PLEKHA5: variants seen among roughly 807,000 people sequenced by gnomAD.
PLEKHA5 encodes the protein pleckstrin homology domain containing A5.
A neutral mutation model predicts 181.9 loss-of-function variants in PLEKHA5; 55 were observed. The ratio of observed to expected loss-of-function variants is 0.30; its 90% CI spans 0.24 to 0.38. The LOEUF (loss-of-function observed/expected upper bound fraction) is 0.38. PLEKHA5 is among the 10% of genes least tolerant of loss of function. The pLI, the probability that PLEKHA5 is intolerant of heterozygous loss-of-function variation, is 1.00. For missense variants in PLEKHA5, 1,432 were observed against 1,549.5 expected (o/e 0.92, Z 1.27); for synonymous variants, 535 against 529.4 (o/e 1.01, Z -0.15).
intron 15 of PLEKHA5, 126 bp downstream of exon 15, chr12:19,291,823 G>A: frequency 3.7e-6 from 2 of 544,970 alleles, no homozygotes; most frequent in Non-Finnish European, 6.3e-6. Context: ...ACAAGTGATA[G>A]AATATGAAAT....
chr12:19,318,062 GA>G (rs1432360406), intron 16 of PLEKHA5, among the ~76,000 whole-genome samples: 2 of 151,280 alleles, frequency 1.3e-5, no homozygotes, highest in African/African-American at 4.9e-5. Flanking sequence ...TTGGGATGAG[GA>G]GTCAGGATTT....
chr12:19,343,583 A>T lies in PLEKHA5; in HGVS notation c.2662+149A>T, dbSNP rs146510104. ...TTAAACAAATCTAGTTGTATGGCCT[A>T]CTACACACCTAGGCTATGTGGTATA... On this transcript the variant is annotated intron_variant, in intron 22 of 31. Coordinates refer to ENST00000429027, the MANE Select transcript of PLEKHA5 (RefSeq NM_001256470.2). 2.0e-4 allele frequency: 129 copies of T among 640,342 alleles called. No homozygotes were observed. In the East Asian group the frequency reaches 3.5e-3, roughly 17 times the overall value. 39.7% of individuals were successfully genotyped at this position (640,342 alleles called of 1,614,324 possible).
chr12:19,228,388 T>A (rs1294899934), intron 3 of PLEKHA5, among the ~76,000 whole-genome samples: 1 of 152,140 alleles, frequency 6.6e-6, no homozygotes, highest in Non-Finnish European at 1.5e-5. Context: ...CTCCAGATCC[T>A]ACCTATCCTT....
At chr12:19,319,047 C>A (rs1264599804) in intron 16 of PLEKHA5, among the ~76,000 whole-genome samples, 1 of 151,984 alleles carries the variant, frequency 6.6e-6, no homozygotes. Flanking sequence ...CATAGATCTA[C>A]CTATTTAAAA....
intron 12 of PLEKHA5, among the ~76,000 whole-genome samples, chr12:19,284,545 G>A (rs1022678383): frequency 6.6e-6 from 1 of 152,050 alleles, no homozygotes; most frequent in African/African-American, 2.4e-5. Context: ...TTAAACACTC[G>A]ATTTAATATT....
intron 6 of PLEKHA5, among the ~76,000 whole-genome samples, chr12:19,260,589 G>C (rs2068176602): frequency 6.6e-6 from 1 of 152,162 alleles, no homozygotes; most frequent in African/African-American, 2.4e-5. Context: ...AGGAACAGTG[G>C]CTCAAGCCTG....
In PLEKHA5 at chr12:19,367,643, G is replaced by T. The variant is rs372550127; in HGVS notation, c.3754+1534G>T. On this transcript the variant is annotated intron_variant, in intron 30 of 31. Transcript: ENST00000429027. ...TGCCCAGGCTGGAGTGCAGTGGCGC[G>T]ATCTCCACTCACTGCAAGCTCCGCC... Among the ~76,000 whole-genome samples the T allele has an allele frequency of 2.0e-5, 3 of 151,520 alleles. No individual in the cohort carries two copies. The East Asian group carries it at 5.8e-4, about 29-fold the overall frequency.
chr12:19,206,716 G>A (rs1222792836), intron 3 of PLEKHA5, among the ~76,000 whole-genome samples: 1 of 152,094 alleles, frequency 6.6e-6, no homozygotes, highest in Non-Finnish European at 1.5e-5. Context: ...CACATATGAA[G>A]GAGGTGGGTG....
intron 3 of PLEKHA5, chr12:19,150,422 C>G (rs889124267): frequency 6.6e-6 from 1 of 152,166 alleles, no homozygotes; most frequent in Non-Finnish European, 1.5e-5. Flanking sequence ...ACCCACTGAC[C>G]AAGCACTTGC....
intron 25 of PLEKHA5, among the ~76,000 whole-genome samples, chr12:19,349,771 A>C (rs1440138639): frequency 6.6e-6 from 1 of 151,702 alleles, no homozygotes; most frequent in Non-Finnish European, 1.5e-5. Flanking sequence ...CAAGAAATGG[A>C]AACTCTACCA....
intron 25 of PLEKHA5, among the ~76,000 whole-genome samples, chr12:19,350,231 G>T (rs1011373216): frequency 6.6e-6 from 1 of 152,172 alleles, no homozygotes; most frequent in African/African-American, 2.4e-5. Context: ...CTAGATATTA[G>T]CTAACAGTGT....
chr12:19,255,884 G>GAAAAAAA (rs60570882), intron 5 of PLEKHA5, among the ~76,000 whole-genome samples: 1 of 91,864 alleles, frequency 1.1e-5, no homozygotes. Flanking sequence ...TGGAAGATTT[G>GAAAAAAA]AAAAAAAAAA....
intron 26 of PLEKHA5, among the ~76,000 whole-genome samples, chr12:19,357,734 C>T (rs2095030266): frequency 6.6e-6 from 1 of 152,104 alleles, no homozygotes; most frequent in Non-Finnish European, 1.5e-5. Flanking sequence ...CTCCTGGGCT[C>T]AAACCATCCT....
chr12:19,314,852 A>G lies in PLEKHA5; in HGVS notation c.2076A>G (p.Thr692=). 1 of 1,548,772 alleles carries G rather than the reference A, an allele frequency of 6.5e-7. No individual in the cohort carries two copies. The highest frequency in any genetic ancestry group is 1.7e-4 in the Middle Eastern group (1 of 5,984). ...ENEPIITMVH[T]MIENSALRPQ... The stretch of plus-strand genomic sequence containing the variant: ...AACCTATTATCACCATGGTTCACAC[A>G]ATGATTGAGAACTCGGCGCTAAGAC... The change falls in exon 16 of 32, where the codon ACA becomes ACG. Residue 692 remains threonine, a synonymous_variant. Coordinates refer to ENST00000429027, the MANE Select transcript of PLEKHA5 (RefSeq NM_001256470.2).
chr12:19,250,487 G>A (rs2152516797), intron 3 of PLEKHA5, among the ~76,000 whole-genome samples: 1 of 152,270 alleles, frequency 6.6e-6, no homozygotes, highest in East Asian at 1.9e-4. Flanking sequence ...GGAGGCTGAG[G>A]CAGGAGAATC....
At chr12:19,281,663 C>T (rs1169813986) in intron 11 of PLEKHA5, among the ~76,000 whole-genome samples, 1 of 151,446 alleles carries the variant, frequency 6.6e-6, no homozygotes, top group Non-Finnish European at 1.5e-5. Flanking sequence ...GCTCACTTCT[C>T]CCCTAACTTT....
intron 3 of PLEKHA5, among the ~76,000 whole-genome samples, chr12:19,156,816 A>G (rs2041830329): frequency 6.6e-6 from 1 of 151,464 alleles, no homozygotes; most frequent in African/African-American, 2.4e-5. Context: ...AGGCCAGGGC[A>G]GGTGGGTCAC....
chr12:19,283,424 T>C lies in PLEKHA5; in HGVS notation c.1458T>C (p.His486=). Reference sequence around the variant, plus strand: ...TCTGCAGTGTAACCCCTTCCACTCATGACAAGACATTAGGACCCGGAGCGG... The same window carrying C: ...TCTGCAGTGTAACCCCTTCCACTCACGACAAGACATTAGGACCCGGAGCGG... ...ESICSVTPST[H]DKTLGPGAEE... is the part of the protein sequence containing the mutation. The change falls in exon 12 of 32, where the codon CAT becomes CAC. Residue 486 remains histidine (H), a synonymous_variant. Coordinates refer to ENST00000429027, the MANE Select transcript of PLEKHA5 (RefSeq NM_001256470.2). 1 of 1,613,992 alleles carries C rather than the reference T, an allele frequency of 6.2e-7. No individual in the cohort carries two copies. Among genetic ancestry groups the C allele is most frequent in the Non-Finnish European group, 8.5e-7 (1 of 1,180,008 alleles).
chr12:19,234,870 A>G (rs534600205), intron 3 of PLEKHA5, among the ~76,000 whole-genome samples: 1 of 152,262 alleles, frequency 6.6e-6, no homozygotes, highest in South Asian at 2.1e-4. Flanking sequence ...ACTATATTTT[A>G]ATCTTCATAC....
Sources: allele counts gnomAD v4.1 joint callset (sites outside exome capture counted in the v4.1 genomes callset), GRCh38; gene constraint gnomAD v4.1.1; transcripts MANE v1.5; gene names NCBI Gene and HGNC (gene_info 2026-07-23, HGNC 2026-07-21).